Variants in DNAAF5 observed in about 807,000 individuals in gnomAD.
DNAAF5 encodes the protein HEAT repeat containing 2.
Under a neutral mutation model 75.8 loss-of-function variants are expected in DNAAF5, and 64 were observed. That is an observed-to-expected ratio of 0.84 (90% CI 0.69 to 1.04). DNAAF5 has a LOEUF of 1.04. Among genes scored for constraint, DNAAF5 ranks in the 50% least tolerant of loss-of-function variants. DNAAF5 has a pLI of 0.00. For missense variants in DNAAF5, 1,269 were observed against 1,178.5 expected, an observed-to-expected ratio of 1.08 and a Z score of -1.12; for synonymous variants, 657 against 557.2, an observed-to-expected ratio of 1.18 and a Z score of -2.52.
At chr7:777,352 A>G (rs767661224) in intron 11 of DNAAF5, among the ~76,000 whole-genome samples, 145 of 152,332 alleles carry the variant, frequency 9.5e-4, no homozygotes, top group Non-Finnish European at 1.8e-3. Flanking sequence ...AAGTGCCGAT[A>G]ATAGAACCAC....
chr7:767,352 C>T (rs77389801), intron 8 of DNAAF5, among the ~76,000 whole-genome samples: 2,368 of 151,762 alleles, frequency 0.016, 40 homozygotes, highest in East Asian at 0.12. Flanking sequence ...TTTGGAAAGC[C>T]GTGGGACGCT....
intron 8 of DNAAF5, among the ~76,000 whole-genome samples, chr7:766,028 T>C (rs1465082795): frequency 1.3e-5 from 2 of 152,200 alleles, no homozygotes; most frequent in Non-Finnish European, 2.9e-5. Context: ...GGGGTCTCTT[T>C]ATGTTGCCCA....
intron 2 of DNAAF5, among the ~76,000 whole-genome samples, chr7:738,038 A>C (rs1021345647): frequency 6.6e-6 from 1 of 152,214 alleles, no homozygotes; most frequent in African/African-American, 2.4e-5. Context: ...CTTGAAGGCC[A>C]GGAACTCTTA....
intron 11 of DNAAF5, chr7:778,258 CGCATTTGG>C (rs560865430): frequency 2.4e-4 from 37 of 152,310 alleles, no homozygotes; most frequent in African/African-American, 8.7e-4. Context: ...GGCATCTGAG[CGCATTTGG>C]GCATCTGGGC....
intron 11 of DNAAF5, among the ~76,000 whole-genome samples, chr7:775,509 GGGGT>G (rs1001969824): frequency 6.0e-5 from 6 of 99,378 alleles, no homozygotes; most frequent in East Asian, 4.6e-4. Flanking sequence ...TTTAAAAGTA[GGGGT>G]GTGTGTGTGT....
At chr7:770,646 C>G (rs1305716226) in intron 9 of DNAAF5, 28 bp downstream of exon 9, 1 of 1,602,184 alleles carries the variant, frequency 6.2e-7, no homozygotes, top group African/African-American at 1.3e-5. Flanking sequence ...CTCTGCACGG[C>G]CCCCAGCTGG....
At chr7:783,740 A>G (rs889985644) in intron 12 of DNAAF5, among the ~76,000 whole-genome samples, 1 of 150,964 alleles carries the variant, frequency 6.6e-6, no homozygotes, top group Non-Finnish European at 1.5e-5. Context: ...CTCCCTGGCA[A>G]ATCCCAGCCC....
intron 2 of DNAAF5, among the ~76,000 whole-genome samples, chr7:736,221 C>T (rs1393010199): frequency 1.3e-5 from 2 of 152,180 alleles, no homozygotes; most frequent in Admixed American, 1.3e-4. Context: ...CTATGAGGTC[C>T]ATTAGATCTA....
At chr7:780,621 T>C (rs1778904672) in intron 12 of DNAAF5, among the ~76,000 whole-genome samples, 1 of 152,174 alleles carries the variant, frequency 6.6e-6, no homozygotes. Flanking sequence ...CAAGTGTAGT[T>C]GGACAAAAGA....
chr7:738,375 T>C (rs1238106710), intron 2 of DNAAF5, among the ~76,000 whole-genome samples: 10 of 152,176 alleles, frequency 6.6e-5, no homozygotes, highest in Admixed American at 6.5e-4. Flanking sequence ...GAGTTTTCTG[T>C]CTGAAAGGTC....
At chr7:730,898 GGCA>G (rs1562372793) in intron 2 of DNAAF5, among the ~76,000 whole-genome samples, 1 of 152,240 alleles carries the variant, frequency 6.6e-6, no homozygotes, top group Non-Finnish European at 1.5e-5. Context: ...TTCGGCACCA[GGCA>G]GCACAGAGGG....
At chr7:747,142 G>C (rs112990557) in intron 4 of DNAAF5, among the ~76,000 whole-genome samples, 3 of 152,234 alleles carry the variant, frequency 2.0e-5, no homozygotes, top group Non-Finnish European at 4.4e-5. Context: ...ACACTCAGGC[G>C]TGGGGTTGCT....
At chr7:730,938 G>C (rs1781543836) in intron 2 of DNAAF5, among the ~76,000 whole-genome samples, 1 of 152,240 alleles carries the variant, frequency 6.6e-6, no homozygotes, top group Non-Finnish European at 1.5e-5. Context: ...GCTCTGCCCA[G>C]TGGGGAGAAA....
At chr7:770,400 G>A (rs1217229168) in intron 8 of DNAAF5, 71 bp from the exon 9 acceptor site, 1 of 1,485,652 alleles carries the variant, frequency 6.7e-7, no homozygotes, top group Non-Finnish European at 9.1e-7. Flanking sequence ...CCTGAGCCTG[G>A]GCCTGTGCTG....
At chr7:735,393 G>A (rs369136793) in intron 2 of DNAAF5, among the ~76,000 whole-genome samples, 14 of 148,592 alleles carry the variant, frequency 9.4e-5, no homozygotes, top group African/African-American at 3.3e-4. Context: ...TATTGCTCAT[G>A]GTGTTGTTCT....
chr7:770,764 C>A, intron 9 of DNAAF5, 146 bp downstream of exon 9: 1 of 746,180 alleles, frequency 1.3e-6, no homozygotes, highest in Non-Finnish European at 2.1e-6. Flanking sequence ...CATCTCCCTC[C>A]CCCACACTGA....
At chr7:727,565 T>G in intron 1 of DNAAF5, 1 of 230,232 alleles carries the variant, frequency 4.3e-6, no homozygotes, top group Non-Finnish European at 8.1e-6. Context: ...CTTCAGCTGC[T>G]CCCTTGTCCT....
rs569329871 is a variant in DNAAF5 at position 768,922 on chromosome 7, A to T, written c.1784-1549A>T. The T allele has an allele frequency of 2.5e-4, 135 of 543,878 alleles. 1 individual carries two copies. In the South Asian group the frequency reaches 3.3e-3, roughly 13 times the overall value. 33.7% of individuals were successfully genotyped at this position (543,878 alleles called of 1,614,324 possible). A position where few individuals can be genotyped will look rare whatever the true frequency, so the allele number is the denominator to read the frequency against. Reference sequence around the variant, plus strand: ...TCAGAAGCAGCGTGGTTCTCGTGGCAGGGCGGCACTTGGCCCAAGACTCGT... The same window carrying T: ...TCAGAAGCAGCGTGGTTCTCGTGGCTGGGCGGCACTTGGCCCAAGACTCGT... On this transcript the variant is annotated intron_variant, in intron 8 of 12. Transcript: ENST00000297440.
Position 762,237 on chromosome 7 carries a change from G to A in DNAAF5, c.1614+341G>A, listed in dbSNP as rs553261168. ...GTGGCATCTCACGCCTGTAATCCCA[G>A]CACTTTGGGAGGCCGAGGTGGGCGG... On this transcript the variant is annotated intron_variant, in intron 7 of 12. Coordinates refer to ENST00000297440, the MANE Select transcript of DNAAF5 (RefSeq NM_017802.4). Among the ~76,000 whole-genome samples the A allele has an allele frequency of 3.3e-5, 5 of 152,324 alleles. No individual in the cohort carries two copies. In the East Asian group the frequency reaches 5.8e-4, roughly 18 times the overall value.
Sources: gnomAD v4.1 joint callset for allele counts (sites outside exome capture counted in the v4.1 genomes callset) on GRCh38, gnomAD v4.1.1 for gene constraint, MANE v1.5 for transcripts, NCBI Gene and HGNC (gene_info 2026-07-23, HGNC 2026-07-21) for gene names.